The following DUOXA1 variants were observed in gnomAD, a reference collection of about 807,000 sequenced individuals.
DUOXA1 encodes dual oxidase activator 1.
A neutral mutation model predicts 26.6 loss-of-function variants in DUOXA1; 19 were observed. That is an observed-to-expected ratio of 0.71 (90% confidence interval 0.50 to 1.05). The LOEUF is 1.05. Ranked by LOEUF, DUOXA1 falls within the 50% of genes least tolerant of loss-of-function variation. DUOXA1 has a pLI of 0.00. For synonymous variants in DUOXA1, 166 were observed against 177.0 expected, an observed-to-expected ratio of 0.94 and a Z score of 0.49; for missense variants, 403 against 427.5, an observed-to-expected ratio of 0.94 and a Z score of 0.51.
At chr15:45,120,538 T>A in intron 7 of DUOXA1, 54 bp downstream of exon 7, 1 of 1,590,520 alleles carries the variant, frequency 6.3e-7, no homozygotes, top group Non-Finnish European at 8.6e-7. Flanking sequence ...GTAGAAACCC[T>A]GTTCCTGAAT....
chr15:45,121,794 G>A (rs764802115), intron 5 of DUOXA1, among the ~76,000 whole-genome samples: 2 of 152,198 alleles, frequency 1.3e-5, no homozygotes, highest in Non-Finnish European at 1.5e-5. Context: ...TGGGATTCCA[G>A]GCATGAGCCA....
In DUOXA1 at chr15:45,118,048, A is replaced by AG; in HGVS notation, c.*1057dup. 1 of 1,589,704 alleles carries AG rather than the reference A, an allele frequency of 6.3e-7. No homozygotes were observed. Among genetic ancestry groups the AG allele is most frequent in the Non-Finnish European group, 8.6e-7 (1 of 1,165,444 alleles). On this transcript the variant is annotated 3_prime_UTR_variant, in exon 9 of 9. Coordinates refer to ENST00000560572, the MANE Select transcript of DUOXA1 (RefSeq NM_001276266.2). ...GAGGCCTCGGACATCCGCAGGCACC[A>AG]GGGAAAGTCTCCTGGGGCGATCTGT... is the stretch of plus-strand genomic sequence containing the variant.
chr15:45,120,436 G>T (rs569682046), intron 7 of DUOXA1, 116 bp from the exon 8 acceptor site: 5 of 1,468,494 alleles, frequency 3.4e-6, no homozygotes, highest in Non-Finnish European at 4.7e-6. Flanking sequence ...ATGAGGTAGG[G>T]ATTCCTTCCC....
At position 45,117,588 on chromosome 15, in the gene DUOXA1, C is replaced by T. The variant is rs771005193; in HGVS notation, c.*1518G>A. 2 of 1,610,678 alleles carry T rather than the reference C, an allele frequency of 1.2e-6. No homozygotes were observed. Among genetic ancestry groups the T allele is most frequent in the Admixed American group, 1.7e-5 (1 of 59,552 alleles). Reference sequence around the variant, plus strand: ...AAGATGGAAGAAGGCCCGGGCATCACGCCTGTAATCCCAGCACTTTGGGAG... The same window carrying T: ...AAGATGGAAGAAGGCCCGGGCATCATGCCTGTAATCCCAGCACTTTGGGAG... On this transcript the variant is annotated 3_prime_UTR_variant, in exon 9 of 9. Coordinates refer to ENST00000560572, the MANE Select transcript of DUOXA1 (RefSeq NM_001276266.2).
At chr15:45,122,812 C>G in intron 4 of DUOXA1, 56 bp downstream of exon 4, 4 of 1,543,070 alleles carry the variant, frequency 2.6e-6, no homozygotes, top group Non-Finnish European at 3.5e-6. Flanking sequence ...CTCTGAACCC[C>G]TCAGCCTGAG....
intron 3 of DUOXA1, among the ~76,000 whole-genome samples, chr15:45,128,198 A>G (rs1366302783): frequency 6.6e-6 from 1 of 152,236 alleles, no homozygotes; most frequent in Admixed American, 6.5e-5. Flanking sequence ...GAGGTGGGTA[A>G]AACATAAAGT....
Position 45,121,117 on chromosome 15 carries a change from C to T in DUOXA1, c.310G>A (p.Gly104Arg), listed in dbSNP as rs146078577. 2.4e-5 allele frequency: 38 copies of T among 1,614,018 alleles called. No homozygotes were observed. The highest frequency in any genetic ancestry group is 6.7e-5 in the East Asian group (3 of 44,896). ...AGTGTGATGTTGACTCCACCCAGCC[C>T]GACCTGCAGCCCAATATCAGCGCTG... The part of the protein sequence containing the change: ...WISADIGLQV[G>R]LGGVNITLTG... The change falls in exon 6 of 9, where the codon GGG becomes AGG. Residue 104 changes from glycine (G) to arginine (R), a missense_variant. Gly to Arg is a moderately radical substitution (Grantham distance 125). Coordinates refer to ENST00000560572, the MANE Select transcript of DUOXA1 (RefSeq NM_001276266.2).
chr15:45,119,249 G>A lies in DUOXA1; in HGVS notation c.889C>T (p.Pro297Ser). The A allele has an allele frequency of 1.2e-6, 2 of 1,614,156 alleles. No individual in the cohort carries two copies. Among genetic ancestry groups the A allele is most frequent in the Non-Finnish European group, 1.7e-6 (2 of 1,180,010 alleles). The change falls in exon 9 of 9, where the codon CCT (proline) becomes TCT (serine). Residue 297 changes from proline (P) to serine (S), a missense_variant. By Grantham distance (74) the Pro-to-Ser change is moderately conservative. Coordinates refer to ENST00000560572, the MANE Select transcript of DUOXA1 (RefSeq NM_001276266.2). ...GGGCTCAGGAGTCCACCTTCCTCAG[G>A]ACTCCACTCCAGCATGGGGTCTTCA... ...VDEDPMLEWSPEEGGLLSPRY... is the reference protein window; with the variant it reads ...VDEDPMLEWSSEEGGLLSPRY...
chr15:45,126,281 C>G (rs1895672287), intron 3 of DUOXA1, among the ~76,000 whole-genome samples: 1 of 152,226 alleles, frequency 6.6e-6, no homozygotes, highest in Admixed American at 6.5e-5. Flanking sequence ...CCCGGTTCCA[C>G]CTATACTGTC....
At chr15:45,124,019 C>T (rs893017778) in intron 3 of DUOXA1, among the ~76,000 whole-genome samples, 1 of 150,666 alleles carries the variant, frequency 6.6e-6, no homozygotes, top group African/African-American at 2.5e-5. Flanking sequence ...TGAGATGTAC[C>T]TAATTTCAGA....
intron 8 of DUOXA1, 106 bp downstream of exon 8, chr15:45,119,997 T>A: frequency 7.4e-7 from 1 of 1,342,654 alleles, no homozygotes; most frequent in Non-Finnish European, 1.1e-6. Context: ...GGCAAAGCCA[T>A]CCTGGCCTCC....
intron 7 of DUOXA1, 58 bp downstream of exon 7, chr15:45,120,534 A>G (rs1315858238): frequency 6.3e-7 from 1 of 1,580,838 alleles, no homozygotes; most frequent in African/African-American, 1.3e-5. Flanking sequence ...ATGGGTAGAA[A>G]CCCTGTTCCT....
intron 4 of DUOXA1, among the ~76,000 whole-genome samples, chr15:45,122,495 G>C (rs768271071): frequency 1.1e-4 from 16 of 152,078 alleles, no homozygotes; most frequent in Non-Finnish European, 1.9e-4. Flanking sequence ...AGCCACTCAA[G>C]TGATCCTCCC....
rs773357953 is a variant in DUOXA1 at position 45,117,991 on chromosome 15, G to A, written c.*1115C>T. ...TGCCCGCCAGGCCTGGGCCAGGAGA[G>A]CTCCAGGAAGGGCACTGAGCGCTGC... On this transcript the variant is annotated 3_prime_UTR_variant, in exon 9 of 9. Coordinates refer to ENST00000560572, the MANE Select transcript of DUOXA1 (RefSeq NM_001276266.2). 4 of 1,611,864 alleles carry A rather than the reference G, an allele frequency of 2.5e-6. No individual in the cohort carries two copies. The African/African-American group carries it at 5.3e-5, about 22-fold the overall frequency.
chr15:45,122,381 A>G (rs866485129), intron 4 of DUOXA1, 139 bp from the exon 5 acceptor site: 1 of 797,614 alleles, frequency 1.3e-6, no homozygotes, highest in South Asian at 1.5e-5. Context: ...TCTGGCACAT[A>G]ATAAGTGCTT....
In DUOXA1 at chr15:45,122,197, C is replaced by G. The variant is rs200382413; in HGVS notation, c.193G>C (p.Ala65Pro). ...LRVVTSLFIG[A>P]AILAVNFSSE... Reference sequence around the variant, plus strand: ...ACTTCGCACTCACCCAGGATTGCAGCCCCGATGAATAAGCTGGTCACCACC... The same window carrying G: ...ACTTCGCACTCACCCAGGATTGCAGGCCCGATGAATAAGCTGGTCACCACC... Residue 65 changes from alanine to proline, a missense_variant, in exon 5 of 9, where the codon GCT becomes CCT. Ala to Pro is a conservative substitution (Grantham distance 27). Transcript: ENST00000560572. The G allele has an allele frequency of 8.1e-6, 13 of 1,603,826 alleles. No homozygotes were observed. The Admixed American group carries it at 1.9e-4, about 23-fold the overall frequency.
rs1398940719 is a variant in DUOXA1, at chr15:45,118,949, A to T, written c.*157T>A. 7.4e-7 allele frequency: 1 copy of T among 1,357,570 alleles called. No homozygotes were observed. Among genetic ancestry groups the T allele is most frequent in the Non-Finnish European group, 9.5e-7 (1 of 1,056,854 alleles). The allele number at this position is 1,357,570 out of a possible 1,614,324, so 84.1% of individuals were successfully genotyped here. On this transcript the variant is annotated 3_prime_UTR_variant, in exon 9 of 9. Coordinates refer to ENST00000560572, the MANE Select transcript of DUOXA1 (RefSeq NM_001276266.2). ...GCTTTTTGTTTTGTTTTGTTTTTTA[A>T]CATCAGTATATAGAGCCTCCTTTTT...
intron 3 of DUOXA1, among the ~76,000 whole-genome samples, chr15:45,123,572 A>G (rs1895427152): frequency 6.6e-6 from 1 of 152,176 alleles, no homozygotes. Context: ...TGAATTCCAG[A>G]CCTAGCACTG....
chr15:45,129,584 G>C lies in DUOXA1; in HGVS notation c.-271C>G, dbSNP rs1365552561. The C allele has an allele frequency of 2.6e-5, 4 of 152,934 alleles. No individual in the cohort carries two copies. The highest frequency in any genetic ancestry group is 9.7e-5 in the African/African-American group (4 of 41,436). The allele number at this position is 152,934 out of a possible 1,614,324, so 9.5% of individuals were successfully genotyped here. On this transcript the variant is annotated 5_prime_UTR_variant, in exon 2 of 9. In the 5' UTR this introduces an upstream ATG that the reference lacks. Transcript: ENST00000560572. This position sits in a 1 kb window ranked among gnomAD's most constrained non-coding sequence, Gnocchi z 4.1. The stretch of plus-strand genomic sequence containing the variant: ...CGGGGTCTTAGAGGGGTTTAGGTCG[G>C]ATGGGTGACTTGCTTTGACGCCTGG...
Sources: allele counts gnomAD v4.1 joint callset (sites outside exome capture counted in the v4.1 genomes callset), GRCh38; gene constraint gnomAD v4.1.1; non-coding constraint Gnocchi (gnomAD v3.1); transcripts MANE v1.5; gene names NCBI Gene and HGNC (gene_info 2026-07-23, HGNC 2026-07-21).